The following FGGY variants were observed in gnomAD, a reference collection of about 807,000 sequenced individuals.
FGGY encodes the protein FGGY carbohydrate kinase domain-containing protein.
FGGY carries 72 observed loss-of-function variants against 71.3 expected under a neutral mutation model. That is an observed-to-expected ratio of 1.01 (90% CI 0.84 to 1.23). The LOEUF is 1.23. FGGY is among the 50% of genes most tolerant of loss of function. The pLI is 0.00. For synonymous variants in FGGY, 251 were observed against 250.3 expected, an observed-to-expected ratio of 1.00 and a Z score of -0.02; for missense variants, 668 against 682.3, an observed-to-expected ratio of 0.98 and a Z score of 0.23.
rs111981250 is a variant in FGGY at position 59,321,532 on chromosome 1, A to G, written c.-14-4A>G. 199 of 1,612,902 alleles carry G rather than the reference A, an allele frequency of 1.2e-4. No homozygotes were observed. In the African/African-American group the frequency reaches 2.3e-3, roughly 19 times the overall value. ...CATATGGTTTTTACACTTGCTTACT[A>G]TAGGTGGAGGAACTGCAATGTCTGG... On this transcript the variant is annotated splice_polypyrimidine_tract_variant and splice_region_variant and intron_variant, in intron 1 of 15. Coordinates refer to ENST00000303721, the MANE Select transcript of FGGY (RefSeq NM_018291.5).
intron 5 of FGGY, among the ~76,000 whole-genome samples, chr1:59,403,419 C>T (rs969881434): frequency 1.3e-5 from 2 of 152,144 alleles, no homozygotes; most frequent in Admixed American, 1.3e-4. Context: ...GCAGACTCCT[C>T]CAGACGATTG....
At chr1:59,631,587 C>G (rs1486486146) in intron 10 of FGGY, among the ~76,000 whole-genome samples, 6 of 152,108 alleles carry the variant, frequency 3.9e-5, no homozygotes, top group Non-Finnish European at 5.9e-5. Context: ...AATCAAGAAC[C>G]ATGTGTCTCT....
chr1:59,410,094 A>G (rs1318618157), intron 5 of FGGY, among the ~76,000 whole-genome samples: 1 of 152,214 alleles, frequency 6.6e-6, no homozygotes, highest in Admixed American at 6.5e-5. Flanking sequence ...GCCACTTGAA[A>G]TAGACATGGT....
intron 5 of FGGY, among the ~76,000 whole-genome samples, chr1:59,447,614 G>C (rs2071592872): frequency 6.6e-6 from 1 of 152,086 alleles, no homozygotes; most frequent in South Asian, 2.1e-4. Flanking sequence ...TGAATCATGG[G>C]GCTGTTTCTC....
At chr1:59,739,127 T>G (rs1293357318) in intron 14 of FGGY, among the ~76,000 whole-genome samples, 1 of 152,246 alleles carries the variant, frequency 6.6e-6, no homozygotes, top group Non-Finnish European at 1.5e-5. Context: ...CATCCACCTC[T>G]TAGCTTGTAC....
intron 6 of FGGY, among the ~76,000 whole-genome samples, chr1:59,493,401 G>A (rs573778604): frequency 7.9e-6 from 1 of 126,008 alleles, no homozygotes; most frequent in South Asian, 2.5e-4. Flanking sequence ...GTGTTCATTA[G>A]TGGCAGAACT....
At chr1:59,539,874 TA>T (rs2153685012) in intron 7 of FGGY, among the ~76,000 whole-genome samples, 1 of 152,332 alleles carries the variant, frequency 6.6e-6, no homozygotes, top group African/African-American at 2.4e-5. Context: ...CCAGAGTATG[TA>T]AAGAATGTCT....
At chr1:59,384,932 C>CA (rs1429862428) in intron 5 of FGGY, among the ~76,000 whole-genome samples, 1 of 152,010 alleles carries the variant, frequency 6.6e-6, no homozygotes, top group African/African-American at 2.4e-5. Flanking sequence ...TCCTCTGGGC[C>CA]AAGGAGAGAT....
chr1:59,721,504 A>AT, intron 14 of FGGY, among the ~76,000 whole-genome samples: 1 of 151,584 alleles, frequency 6.6e-6, no homozygotes, highest in East Asian at 2.0e-4. Flanking sequence ...ACACCCGGCT[A>AT]ATTTTGTATT....
At chr1:59,529,949 A>G (rs1207183937) in intron 7 of FGGY, among the ~76,000 whole-genome samples, 1 of 152,226 alleles carries the variant, frequency 6.6e-6, no homozygotes, top group African/African-American at 2.4e-5. Flanking sequence ...TTACATAGCT[A>G]TTACTAAATT....
Position 59,346,249 on chromosome 1 carries a change from G to A in FGGY, c.316G>A (p.Asp106Asn), listed in dbSNP as rs764941912. 6 of 1,612,848 alleles carry A rather than the reference G, an allele frequency of 3.7e-6. No individual in the cohort carries two copies. In the East Asian group the frequency reaches 1.3e-4, roughly 36 times the overall value. ...CATCTCCCTCTCGTTTCTGCTAGGG[G>A]ATTCCCATCGAAACGTCATCATGTG... ...FHPLPVNQEG[D>N]SHRNVIMWLD... is the part of the protein sequence containing the mutation. Residue 106 changes from aspartate to asparagine, a missense_variant and splice_region_variant, in exon 4 of 16, where the codon GAT becomes AAT. Asp to Asn is a conservative substitution (Grantham distance 23). Transcript: ENST00000303721.
chr1:59,424,751 T>C (rs1000509536), intron 5 of FGGY, among the ~76,000 whole-genome samples: 2 of 152,186 alleles, frequency 1.3e-5, no homozygotes, highest in Admixed American at 6.5e-5. Flanking sequence ...TTTCAAGATA[T>C]GTTTGTTCAA....
chr1:59,630,744 A>G (rs2153865835), intron 10 of FGGY, among the ~76,000 whole-genome samples: 1 of 152,352 alleles, frequency 6.6e-6, no homozygotes, highest in African/African-American at 2.4e-5. Context: ...ATTACCATGC[A>G]AACTCAGAGA....
chr1:59,409,432 C>T (rs1201998527), intron 5 of FGGY, among the ~76,000 whole-genome samples: 1 of 152,030 alleles, frequency 6.6e-6, no homozygotes, highest in Non-Finnish European at 1.5e-5. Context: ...ATTATTCAAG[C>T]CGTTGAGAAA....
chr1:59,415,835 C>T (rs201966045), intron 5 of FGGY, among the ~76,000 whole-genome samples: 7 of 152,222 alleles, frequency 4.6e-5, no homozygotes, highest in African/African-American at 9.6e-5. Context: ...CTCATAACAC[C>T]GTAGCTTCTA....
At chr1:59,593,463 G>A (rs6674107) in intron 8 of FGGY, among the ~76,000 whole-genome samples, 95,403 of 152,044 alleles carry the variant, frequency 0.63, 32,250 homozygotes, top group African/African-American at 0.9. Flanking sequence ...CAAGTTACAT[G>A]ACCCTGCTAA....
chr1:59,548,138 T>A (rs2095555035), intron 7 of FGGY, among the ~76,000 whole-genome samples: 1 of 152,054 alleles, frequency 6.6e-6, no homozygotes, highest in Non-Finnish European at 1.5e-5. Context: ...TGTGGGGAGA[T>A]GTGATCAGGA....
intron 5 of FGGY, among the ~76,000 whole-genome samples, chr1:59,417,223 C>A (rs773941498): frequency 1.3e-5 from 2 of 152,016 alleles, no homozygotes; most frequent in Non-Finnish European, 2.9e-5. Context: ...ATAATTTTTT[C>A]AGGGTTCATC....
chr1:59,411,670 T>G (rs1571819242), intron 5 of FGGY, among the ~76,000 whole-genome samples: 1 of 152,364 alleles, frequency 6.6e-6, no homozygotes, highest in East Asian at 1.9e-4. Context: ...ATTTATTCAT[T>G]CAGTTGTTTA....
Sources: gnomAD v4.1 joint callset for allele counts (sites outside exome capture counted in the v4.1 genomes callset) on GRCh38, gnomAD v4.1.1 for gene constraint, MANE v1.5 for transcripts, NCBI Gene and HGNC (gene_info 2026-07-23, HGNC 2026-07-21) for gene names.